ADORA2B: variants seen among roughly 807,000 people sequenced by gnomAD.
ADORA2B encodes the protein adenosine receptor A2b.
ADORA2B carries 18 observed loss-of-function variants against 20.8 expected under a neutral mutation model. The ratio of observed to expected loss-of-function variants is 0.87; its 90% CI spans 0.60 to 1.29. The LOEUF (loss-of-function observed/expected upper bound fraction) is 1.29. ADORA2B is among the 50% of genes most tolerant of loss of function. The pLI, the probability that ADORA2B is intolerant of heterozygous loss-of-function variation, is 0.00. For synonymous variants in ADORA2B, 179 were observed against 178.3 expected, an observed-to-expected ratio of 1.00 and a Z score of -0.03; for missense variants, 441 against 422.7, an observed-to-expected ratio of 1.04 and a Z score of -0.38.
chr17:15,879,808 T>A, the ADORA2B span, among the ~76,000 whole-genome samples: 1,387 of 149,910 alleles, frequency 9.3e-3, 37 homozygotes, highest in African/African-American at 0.033. Flanking sequence ...AGGTGCTGGG[T>A]TTACAGGCAT....
the ADORA2B span, among the ~76,000 whole-genome samples, chr17:15,859,542 A>G: frequency 3.7e-4 from 57 of 152,094 alleles, no homozygotes; most frequent in African/African-American, 1.3e-3. Flanking sequence ...CTGGCTTGCT[A>G]TGTAGCTCTA....
the ADORA2B span, among the ~76,000 whole-genome samples, chr17:15,904,814 C>T: frequency 6.6e-6 from 1 of 152,220 alleles, no homozygotes; most frequent in Non-Finnish European, 1.5e-5. Context: ...TTTGTTAGAG[C>T]GTCCTTTAGC....
the ADORA2B span, among the ~76,000 whole-genome samples, chr17:15,870,645 C>T: frequency 1.2e-4 from 18 of 151,636 alleles, no homozygotes; most frequent in Non-Finnish European, 1.9e-4. Context: ...AGAACACCCA[C>T]GTTGCAGGCA....
chr17:15,862,753 G>T, the ADORA2B span, among the ~76,000 whole-genome samples: 38 of 151,174 alleles, frequency 2.5e-4, no homozygotes, highest in African/African-American at 9.2e-4. Flanking sequence ...TATACAATAT[G>T]AACGTATTGT....
the ADORA2B span, among the ~76,000 whole-genome samples, chr17:15,902,056 A>G: frequency 6.6e-6 from 1 of 152,094 alleles, no homozygotes; most frequent in African/African-American, 2.4e-5. Context: ...GCCCCTGGCA[A>G]CCACCATTCC....
chr17:15,964,911 A>G (rs2535613), intron 1 of ADORA2B, among the ~76,000 whole-genome samples: 83,987 of 151,680 alleles, frequency 0.55, 24,593 homozygotes, highest in Non-Finnish European at 0.64. Flanking sequence ...AATACAAAAA[A>G]TTAGCCCGTG....
At chr17:15,857,438 G>A in the ADORA2B span, among the ~76,000 whole-genome samples, 2 of 152,212 alleles carry the variant, frequency 1.3e-5, no homozygotes, top group Admixed American at 1.3e-4. Context: ...CCATCCTCCA[G>A]ACCCCAGAAT....
At chr17:15,909,658 G>C in the ADORA2B span, among the ~76,000 whole-genome samples, 3 of 152,204 alleles carry the variant, frequency 2.0e-5, no homozygotes, top group East Asian at 5.8e-4. Context: ...TCATGTTTGT[G>C]GGAATGGCCT....
the ADORA2B span, among the ~76,000 whole-genome samples, chr17:15,916,042 G>A: frequency 3.3e-5 from 5 of 152,138 alleles, no homozygotes; most frequent in African/African-American, 7.2e-5. Flanking sequence ...ATCACCTCAC[G>A]GGTCACTAAC....
chr17:15,945,426 G>A lies in ADORA2B; in HGVS notation c.178G>A (p.Ala60Thr), dbSNP rs1384632847. ...AAADVAVGLF[A>T]IPFAITISLG... ...GGCCGACGTGGCCGTGGGGCTCTTC[G>A]CCATCCCCTTTGCCATCACCATCAG... Residue 60 changes from alanine to threonine, a missense_variant, in exon 1 of 2, where the codon GCC (alanine) becomes ACC (threonine). Ala to Thr is a moderately conservative substitution (Grantham distance 58, BLOSUM62 0). Coordinates refer to ENST00000304222, the MANE Select transcript of ADORA2B (RefSeq NM_000676.4). 1.2e-6 allele frequency: 2 copies of A among 1,613,556 alleles called. No individual in the cohort carries two copies. The highest frequency in any genetic ancestry group is 1.7e-6 in the Non-Finnish European group (2 of 1,179,946).
At chr17:15,944,551 T>G (rs115976677), upstream of ADORA2B, among the ~76,000 whole-genome samples, 4,643 of 152,054 alleles carry the variant, frequency 0.031, 242 homozygotes, top group African/African-American at 0.11. This position sits in a 1 kb window ranked among gnomAD's most constrained non-coding sequence, Gnocchi z 4.8. Flanking sequence ...GCGCTGAGCC[T>G]CGCTGGGAGG....
the ADORA2B span, among the ~76,000 whole-genome samples, chr17:15,883,937 G>A: frequency 1.3e-5 from 2 of 152,216 alleles, no homozygotes; most frequent in African/African-American, 4.8e-5. Context: ...TATTTACCAT[G>A]TGAACGACAT....
chr17:15,888,239 C>T, the ADORA2B span, among the ~76,000 whole-genome samples: 2 of 129,254 alleles, frequency 1.5e-5, 1 homozygote, highest in East Asian at 4.1e-4. Flanking sequence ...CCCTGAAACA[C>T]AGTGGATTAG....
the ADORA2B span, among the ~76,000 whole-genome samples, chr17:15,862,724 G>A: frequency 6.6e-6 from 1 of 151,516 alleles, no homozygotes; most frequent in Non-Finnish European, 1.5e-5. Context: ...TAAAACTTAC[G>A]AATGAGTATG....
At chr17:15,857,349 A>G in the ADORA2B span, among the ~76,000 whole-genome samples, 1 of 152,344 alleles carries the variant, frequency 6.6e-6, no homozygotes, top group East Asian at 1.9e-4. Flanking sequence ...AGGGCAGGGC[A>G]AAAGAGAAAT....
rs186862490 is a variant in ADORA2B at position 15,964,330 on chromosome 17, G to C, written c.336-10349G>C. 4.4e-3 allele frequency among the ~76,000 whole-genome samples: 668 copies of C among 152,226 alleles called. 3 individuals carry two copies. The highest frequency in any genetic ancestry group is 6.0e-3 in the Non-Finnish European group (406 of 68,014). ...GTTTAAAATGATGAATTTTAGGCTG[G>C]GCGCTGTGACTCACACCTGTAATCC... On this transcript the variant is annotated intron_variant, in intron 1 of 1. Coordinates refer to ENST00000304222, the MANE Select transcript of ADORA2B (RefSeq NM_000676.4).
At chr17:15,934,353 G>A in the ADORA2B span, among the ~76,000 whole-genome samples, 1 of 152,018 alleles carries the variant, frequency 6.6e-6, no homozygotes, top group African/African-American at 2.4e-5. Flanking sequence ...AGCCTCCCAA[G>A]TAGCTGGGAC....
chr17:15,920,248 A>G, the ADORA2B span, among the ~76,000 whole-genome samples: 1 of 152,206 alleles, frequency 6.6e-6, no homozygotes, highest in Non-Finnish European at 1.5e-5. Context: ...GTGAGGCATG[A>G]GAAGTTACTT....
intron 1 of ADORA2B, among the ~76,000 whole-genome samples, chr17:15,959,238 G>A (rs937919498): frequency 1.3e-5 from 2 of 152,136 alleles, no homozygotes. Flanking sequence ...TAGCAACCTA[G>A]TCTTTTAATT....
Sources: gnomAD v4.1 joint callset for allele counts (sites outside exome capture counted in the v4.1 genomes callset) on GRCh38, gnomAD v4.1.1 for gene constraint, Gnocchi (gnomAD v3.1) non-coding constraint, MANE v1.5 for transcripts, NCBI Gene and HGNC (gene_info 2026-07-23, HGNC 2026-07-21) for gene names.